The following NEO1 variants were observed in gnomAD, a reference collection of about 807,000 sequenced individuals.
NEO1 encodes neogenin.
Under a neutral mutation model 159.7 loss-of-function variants are expected in NEO1, and 63 were observed. The observed-to-expected ratio is 0.39, with a 90% confidence interval of 0.32 to 0.49. NEO1 has a LOEUF of 0.49. NEO1 is among the 20% of genes least tolerant of loss of function. The pLI is 0.85. For synonymous variants in NEO1, 633 were observed against 662.0 expected (o/e 0.96, Z 0.67); for missense variants, 1,615 against 1,831.0 (o/e 0.88, Z 2.15).
At chr15:73,187,512 T>C (rs998291066) in intron 7 of NEO1, among the ~76,000 whole-genome samples, 3 of 152,190 alleles carry the variant, frequency 2.0e-5, no homozygotes, top group Non-Finnish European at 4.4e-5. Context: ...TATCATGTAG[T>C]ACAGTGGTTG....
chr15:73,200,971 C>T (rs139999613), intron 7 of NEO1, among the ~76,000 whole-genome samples: 8 of 152,150 alleles, frequency 5.3e-5, no homozygotes, highest in South Asian at 2.1e-4. Context: ...CATGAACCAG[C>T]GGGCCTGGCC....
chr15:73,242,177 T>C (rs992362864), intron 8 of NEO1, among the ~76,000 whole-genome samples: 16 of 152,214 alleles, frequency 1.1e-4, no homozygotes, highest in Admixed American at 7.2e-4. Context: ...AGACCTGATC[T>C]GTACTCTCTC....
At chr15:73,289,746 C>T (rs1477533797) in intron 25 of NEO1, among the ~76,000 whole-genome samples, 1 of 152,180 alleles carries the variant, frequency 6.6e-6, no homozygotes, top group Non-Finnish European at 1.5e-5. Context: ...AGTTCTAGAC[C>T]AGCCTGGGCA....
At position 73,249,182 on chromosome 15, in the gene NEO1, A is replaced by G. The variant is rs757320975; in HGVS notation, c.1729A>G (p.Met577Val). ...AATTCAGAATTATAAATTGTACTAC[A>G]TGGAAAAGGGGACTGATAAAGAACA... ...GEIQNYKLYY[M>V]EKGTDKEQDV... The change falls in exon 10 of 29, where the codon ATG (methionine) becomes GTG (valine). Residue 577 changes from methionine to valine, a missense_variant. Coordinates refer to ENST00000261908, the MANE Select transcript of NEO1 (RefSeq NM_002499.4). The G allele has an allele frequency of 2.5e-6, 4 of 1,613,948 alleles. No individual in the cohort carries two copies. Among genetic ancestry groups the G allele is most frequent in the Non-Finnish European group, 2.5e-6 (3 of 1,179,946 alleles).
At chr15:73,279,461 G>A (rs1403211187) in intron 22 of NEO1, among the ~76,000 whole-genome samples, 1 of 151,198 alleles carries the variant, frequency 6.6e-6, no homozygotes, top group Non-Finnish European at 1.5e-5. Flanking sequence ...GGAGTCTCCT[G>A]CCTCAGCCTC....
chr15:73,244,980 A>AAAAAAAAAAAAAAAC (rs2039704277), intron 9 of NEO1, among the ~76,000 whole-genome samples: 1 of 148,288 alleles, frequency 6.7e-6, no homozygotes, highest in Non-Finnish European at 1.5e-5. Context: ...AAAAAAAAAA[A>AAAAAAAAAAAAAAAC]AAACAACAGC....
intron 1 of NEO1, among the ~76,000 whole-genome samples, chr15:73,074,542 ATAT>A (rs2068682257): frequency 6.6e-6 from 1 of 152,220 alleles, no homozygotes; most frequent in Non-Finnish European, 1.5e-5. Flanking sequence ...ACTTCATATA[ATAT>A]TATACAGTGT....
intron 5 of NEO1, among the ~76,000 whole-genome samples, chr15:73,172,475 C>T (rs988274462): frequency 2.0e-5 from 3 of 152,156 alleles, no homozygotes; most frequent in African/African-American, 7.2e-5. Context: ...GGCTAAAGAT[C>T]TTAGTGTACT....
At chr15:73,105,543 T>A (rs2070645246) in intron 1 of NEO1, among the ~76,000 whole-genome samples, 1 of 152,262 alleles carries the variant, frequency 6.6e-6, no homozygotes, top group Non-Finnish European at 1.5e-5. Flanking sequence ...TAAAGTCATC[T>A]GGATATTCTC....
intron 1 of NEO1, among the ~76,000 whole-genome samples, chr15:73,069,824 G>T (rs2068448871): frequency 6.6e-6 from 1 of 152,134 alleles, no homozygotes; most frequent in Admixed American, 6.5e-5. Context: ...GGTAGGACAT[G>T]AGACAGAAAA....
intron 1 of NEO1, among the ~76,000 whole-genome samples, chr15:73,077,031 A>AT (rs2068801032): frequency 1.3e-5 from 2 of 152,078 alleles, no homozygotes; most frequent in East Asian, 1.9e-4. Flanking sequence ...TAACATAGCA[A>AT]TTTTTTTAAA....
intron 7 of NEO1, among the ~76,000 whole-genome samples, chr15:73,198,961 C>T (rs1041050224): frequency 6.6e-6 from 1 of 150,688 alleles, no homozygotes; most frequent in Non-Finnish European, 1.5e-5. Flanking sequence ...AACATTGATA[C>T]ATTTTTTACT....
intron 3 of NEO1, among the ~76,000 whole-genome samples, chr15:73,123,315 T>A (rs529180439): frequency 6.7e-4 from 102 of 152,322 alleles, no homozygotes; most frequent in South Asian, 1.9e-3. Flanking sequence ...TAAAGTATAT[T>A]CACTGTCTAA....
chr15:73,274,993 C>A (rs2041343800), intron 21 of NEO1, among the ~76,000 whole-genome samples: 1 of 152,030 alleles, frequency 6.6e-6, no homozygotes. Flanking sequence ...ATCAGATCAT[C>A]CTTTGTGCTG....
In NEO1 at chr15:73,301,382, G is replaced by A. The variant is rs2042606256; in HGVS notation, c.4227G>A (p.Arg1409=). 1 of 1,614,036 alleles carries A rather than the reference G, an allele frequency of 6.2e-7. No homozygotes were observed. The change falls in exon 28 of 29, where the codon CGG becomes CGA. Residue 1409 remains arginine, a synonymous_variant. Transcript: ENST00000261908. ...TASIGTLGRS[R]PPMPVVVPSA... is the part of the protein sequence containing the mutation. The stretch of plus-strand genomic sequence containing the variant: ...CCATCGGGACTCTAGGAAGGAGCCG[G>A]CCTCCTATGCCAGTGGTTGTTCCCA...
chr15:73,292,119 A>T (rs1173422890), intron 25 of NEO1, among the ~76,000 whole-genome samples: 1 of 152,176 alleles, frequency 6.6e-6, no homozygotes, highest in Non-Finnish European at 1.5e-5. Context: ...GGCCTTGAGA[A>T]GGGAAGGAAG....
At chr15:73,120,557 T>G (rs954724927) in intron 2 of NEO1, among the ~76,000 whole-genome samples, 1 of 151,918 alleles carries the variant, frequency 6.6e-6, no homozygotes, top group Non-Finnish European at 1.5e-5. Context: ...AGCATAGCAA[T>G]CACTTTTTAG....
chr15:73,201,084 G>C (rs1475029429), intron 7 of NEO1, among the ~76,000 whole-genome samples: 1 of 151,780 alleles, frequency 6.6e-6, no homozygotes, highest in Non-Finnish European at 1.5e-5. Flanking sequence ...CTTGGTGCCT[G>C]GCTACAGGTT....
chr15:73,237,188 T>G (rs994778634), intron 8 of NEO1, among the ~76,000 whole-genome samples: 14 of 152,330 alleles, frequency 9.2e-5, no homozygotes, highest in Non-Finnish European at 1.6e-4. Context: ...ATTCAGTTAA[T>G]CCTTCTTGGC....
Sources: allele counts gnomAD v4.1 joint callset (sites outside exome capture counted in the v4.1 genomes callset), GRCh38; gene constraint gnomAD v4.1.1; transcripts MANE v1.5; gene names NCBI Gene and HGNC (gene_info 2026-07-23, HGNC 2026-07-21).